CSMD1: variants seen among roughly 807,000 people sequenced by gnomAD.
CSMD1 encodes the protein CUB and Sushi multiple domains 1, also known as CUB and sushi domain-containing protein 1.
In CSMD1, 213 loss-of-function variants were observed where a neutral mutation model predicts 417.5. That is an observed-to-expected ratio of 0.51 (90% confidence interval 0.46 to 0.57). CSMD1 has a LOEUF of 0.57. Ranked by LOEUF, CSMD1 falls within the 20% of genes least tolerant of loss-of-function variation. The pLI is 0.00. For synonymous variants in CSMD1, 2,862 were observed against 1,736.8 expected (o/e 1.65, Z -16.11); for missense variants, 6,923 against 4,529.7 (o/e 1.53, Z -15.17).
chr8:3,297,562 GAAAT>G (rs570203371), intron 25 of CSMD1, among the ~76,000 whole-genome samples: 15 of 152,068 alleles, frequency 9.9e-5, no homozygotes, highest in South Asian at 8.3e-4. Flanking sequence ...GTGCAATAAA[GAAAT>G]AAATCACTTC....
chr8:4,314,646 A>C (rs988797228), intron 3 of CSMD1, among the ~76,000 whole-genome samples: 1 of 152,014 alleles, frequency 6.6e-6, no homozygotes, highest in Non-Finnish European at 1.5e-5. Context: ...GTAATGTACT[A>C]TTACATTACC....
intron 18 of CSMD1, among the ~76,000 whole-genome samples, chr8:3,377,937 G>A (rs2406300): frequency 0.078 from 11,926 of 152,190 alleles, 894 homozygotes; most frequent in East Asian, 0.28. Context: ...TTATGGAGCT[G>A]AATATTAAAA....
chr8:4,905,505 T>C (rs1585300728), intron 1 of CSMD1, among the ~76,000 whole-genome samples: 1 of 152,200 alleles, frequency 6.6e-6, no homozygotes, highest in East Asian at 1.9e-4. Context: ...ATCTATTCCC[T>C]ATCATCACTA....
At chr8:3,370,647 C>A (rs986575123) in intron 18 of CSMD1, among the ~76,000 whole-genome samples, 4 of 152,190 alleles carry the variant, frequency 2.6e-5, no homozygotes, top group African/African-American at 9.6e-5. Context: ...GAACTGGCAT[C>A]ATTCAATCTG....
chr8:3,350,876 A>T (rs117811993), intron 21 of CSMD1, among the ~76,000 whole-genome samples: 2,699 of 152,330 alleles, frequency 0.018, 50 homozygotes, highest in South Asian at 0.026. Context: ...GATATATAAT[A>T]AATGGTAGTA....
intron 65 of CSMD1, among the ~76,000 whole-genome samples, chr8:2,953,678 T>A (rs1008660936): frequency 2.6e-5 from 4 of 152,240 alleles, no homozygotes; most frequent in Non-Finnish European, 4.4e-5. Context: ...GAAATAGGAC[T>A]GCATCTTTGC....
chr8:3,664,180 C>G (rs1019945627), intron 7 of CSMD1, among the ~76,000 whole-genome samples: 16 of 152,264 alleles, frequency 1.1e-4, no homozygotes, highest in Non-Finnish European at 2.9e-5. Flanking sequence ...TATCCCTACC[C>G]TAGACCCCCA....
At chr8:4,337,227 CA>C (rs1197498491) in intron 3 of CSMD1, among the ~76,000 whole-genome samples, 1 of 152,044 alleles carries the variant, frequency 6.6e-6, no homozygotes, top group Non-Finnish European at 1.5e-5. Context: ...ACCCAGGAGG[CA>C]AAAACTCCAC....
rs185934051 is a variant in CSMD1 at position 3,246,029 on chromosome 8, C to T, written c.4154-15798G>A. 8.4e-4 allele frequency among the ~76,000 whole-genome samples: 128 copies of T among 152,248 alleles called. 2 individuals carry two copies. The highest frequency in any genetic ancestry group is 6.8e-3 in the Middle Eastern group (2 of 294). ...GGTTTTAATTATTTATTTCCCCCAA[C>T]GCACTTGCCCGAACTTCCTTCTTGT... On this transcript the variant is annotated intron_variant, in intron 26 of 69. Coordinates refer to ENST00000635120, the MANE Select transcript of CSMD1 (RefSeq NM_033225.6).
chr8:4,255,333 T>A (rs560494916), intron 3 of CSMD1, among the ~76,000 whole-genome samples: 5 of 152,332 alleles, frequency 3.3e-5, no homozygotes, highest in Non-Finnish European at 7.3e-5. Flanking sequence ...GCTGTTAATA[T>A]CTGCAGTCAT....
At chr8:4,338,307 G>C (rs549464124) in intron 3 of CSMD1, among the ~76,000 whole-genome samples, 8 of 152,226 alleles carry the variant, frequency 5.3e-5, no homozygotes, top group African/African-American at 1.9e-4. Flanking sequence ...AATATAGTTA[G>C]TTACACATTT....
intron 2 of CSMD1, among the ~76,000 whole-genome samples, chr8:4,469,797 G>A (rs1800417949): frequency 6.6e-6 from 1 of 152,022 alleles, no homozygotes; most frequent in Non-Finnish European, 1.5e-5. Flanking sequence ...TCTGCTTACA[G>A]CCTTCTCACG....
chr8:4,804,142 C>A (rs573216773), intron 1 of CSMD1, among the ~76,000 whole-genome samples: 1 of 152,200 alleles, frequency 6.6e-6, no homozygotes, highest in African/African-American at 2.4e-5. Context: ...CTTTATACAT[C>A]AAAACTAGAT....
At chr8:3,959,494 G>A (rs141563100) in intron 5 of CSMD1, among the ~76,000 whole-genome samples, 19 of 152,156 alleles carry the variant, frequency 1.2e-4, no homozygotes, top group African/African-American at 4.6e-4. Context: ...GCGAGACTCC[G>A]TCAAGAAAGA....
intron 3 of CSMD1, among the ~76,000 whole-genome samples, chr8:4,135,031 G>C (rs923020320): frequency 3.3e-5 from 5 of 152,184 alleles, no homozygotes; most frequent in South Asian, 2.1e-4. Context: ...TTTTGTGAGA[G>C]GATAGACCCC....
intron 3 of CSMD1, among the ~76,000 whole-genome samples, chr8:4,315,871 TA>T (rs1798894953): frequency 6.6e-6 from 1 of 152,156 alleles, no homozygotes; most frequent in Admixed American, 6.5e-5. Context: ...GTCTTCTTAG[TA>T]AAATTTTAAA....
At chr8:3,180,805 T>G (rs1304046042) in intron 37 of CSMD1, among the ~76,000 whole-genome samples, 1 of 151,904 alleles carries the variant, frequency 6.6e-6, no homozygotes, top group Non-Finnish European at 1.5e-5. Flanking sequence ...AATTTTTTTT[T>G]GTATTATTAT....
intron 26 of CSMD1, among the ~76,000 whole-genome samples, chr8:3,239,812 G>A (rs1446030365): frequency 2.0e-5 from 3 of 152,138 alleles, no homozygotes; most frequent in Non-Finnish European, 4.4e-5. Context: ...ATGGGGAAAT[G>A]GGGTGAATGT....
chr8:3,884,585 A>G (rs556498457), intron 5 of CSMD1, among the ~76,000 whole-genome samples: 14 of 152,300 alleles, frequency 9.2e-5, no homozygotes, highest in African/African-American at 3.4e-4. Flanking sequence ...ATACACATGG[A>G]AACATCGGTG....
Sources: allele counts gnomAD v4.1 joint callset (sites outside exome capture counted in the v4.1 genomes callset), GRCh38; gene constraint gnomAD v4.1.1; transcripts MANE v1.5; gene names NCBI Gene and HGNC (gene_info 2026-07-23, HGNC 2026-07-21).